Variants in GLI3 observed in about 807,000 individuals in gnomAD.
The protein encoded by GLI3 is GLI family zinc finger 3.
A neutral mutation model predicts 100.8 loss-of-function variants in GLI3; 20 were observed. The observed-to-expected ratio is 0.20, with a 90% CI of 0.14 to 0.29. The LOEUF (loss-of-function observed/expected upper bound fraction) is 0.29. Among genes scored for constraint, GLI3 ranks in the 10% least tolerant of loss-of-function variants. The pLI is 1.00. For synonymous variants in GLI3, 938 were observed against 860.5 expected (o/e 1.09, Z -1.58); for missense variants, 2,040 against 2,128.5 (o/e 0.96, Z 0.82).
At chr7:42,062,039 C>G (rs760259615) in intron 4 of GLI3, among the ~76,000 whole-genome samples, 11 of 152,134 alleles carry the variant, frequency 7.2e-5, no homozygotes, top group Non-Finnish European at 1.3e-4. Context: ...TTGGAAATGT[C>G]TATGATGTGC....
intron 1 of GLI3, among the ~76,000 whole-genome samples, chr7:42,225,446 G>A (rs1003248115): frequency 3.3e-5 from 5 of 152,078 alleles, no homozygotes; most frequent in Admixed American, 6.6e-5. Flanking sequence ...TGCAACCTCT[G>A]CCTCCCAGCT....
chr7:41,962,622 C>T lies in GLI3; in HGVS notation c.*1708G>A, dbSNP rs1282077654. On this transcript the variant is annotated 3_prime_UTR_variant, in exon 15 of 15. Coordinates refer to ENST00000395925, the MANE Select transcript of GLI3 (RefSeq NM_000168.6). ...TAGTCTTAGCCAAAGTCCCCAGTGGCAAATCAACCTCCATGCGGAGATTCT... is the reference window on the plus strand; with the variant it reads ...TAGTCTTAGCCAAAGTCCCCAGTGGTAAATCAACCTCCATGCGGAGATTCT... 2 of 152,316 alleles carry T rather than the reference C, an allele frequency of 1.3e-5. No homozygotes were observed. Among genetic ancestry groups the T allele is most frequent in the African/African-American group, 2.4e-5 (1 of 41,566 alleles). The allele number at this position is 152,316 out of a possible 1,614,324, so 9.4% of individuals were successfully genotyped here.
chr7:42,193,241 A>G (rs1187658475), intron 2 of GLI3, among the ~76,000 whole-genome samples: 5 of 152,216 alleles, frequency 3.3e-5, no homozygotes, highest in Admixed American at 2.6e-4. Context: ...CCGAGAGCAC[A>G]TTACAGACCC....
At chr7:42,118,361 T>C (rs1785911622) in intron 3 of GLI3, 1 of 398,560 alleles carries the variant, frequency 2.5e-6, no homozygotes, top group Non-Finnish European at 4.4e-6. Context: ...TATCCTCAAT[T>C]TTCAGGTGAT....
chr7:42,244,024 G>A (rs1366416921), intron 1 of GLI3, among the ~76,000 whole-genome samples: 1 of 152,070 alleles, frequency 6.6e-6, no homozygotes, highest in African/African-American at 2.4e-5. Flanking sequence ...AGTAGAGACG[G>A]GGTTTTACCA....
At chr7:42,065,615 C>T (rs913140722) in intron 4 of GLI3, among the ~76,000 whole-genome samples, 1 of 152,112 alleles carries the variant, frequency 6.6e-6, no homozygotes, top group Non-Finnish European at 1.5e-5. Context: ...TAGTAAGATA[C>T]TCGAATAATT....
chr7:42,175,880 A>G (rs1300801391), intron 2 of GLI3, among the ~76,000 whole-genome samples: 2 of 152,180 alleles, frequency 1.3e-5, no homozygotes, highest in Non-Finnish European at 2.9e-5. Flanking sequence ...TATAAAATAA[A>G]TATAAATAAA....
intron 4 of GLI3, among the ~76,000 whole-genome samples, chr7:42,057,335 G>A (rs1784483463): frequency 6.6e-6 from 1 of 152,210 alleles, no homozygotes; most frequent in South Asian, 2.1e-4. Flanking sequence ...TAAGAAGTCT[G>A]ACAGTGACAA....
chr7:41,985,320 GTTAA>G (rs1268748196), intron 10 of GLI3, among the ~76,000 whole-genome samples: 50 of 152,328 alleles, frequency 3.3e-4, no homozygotes, highest in African/African-American at 1.1e-3. Context: ...TGCAGCTTGA[GTTAA>G]TTAATACACT....
Position 41,966,511 on chromosome 7 carries a change from G to T in GLI3, c.2562C>A (p.Ile854=). 1 of 1,613,760 alleles carries T rather than the reference G, an allele frequency of 6.2e-7. No individual in the cohort carries two copies. Among genetic ancestry groups the T allele is most frequent in the South Asian group, 1.1e-5 (1 of 91,088 alleles). Residue 854 remains isoleucine (I), a synonymous_variant, in exon 15 of 15, where the codon ATC becomes ATA. Transcript: ENST00000395925. The surrounding 1 kb of genome is among the most constrained non-coding windows in gnomAD (Gnocchi z 5.8). ...LNRRDSSAST[I]SSAYLSSRRS... ...GGCGGCTGCTCAGGTAGGCCGAGCTGATGGTGCTGGCGCTGCTGTCCCTTC... is the reference window on the plus strand; with the variant it reads ...GGCGGCTGCTCAGGTAGGCCGAGCTTATGGTGCTGGCGCTGCTGTCCCTTC...
intron 2 of GLI3, among the ~76,000 whole-genome samples, chr7:42,186,174 T>G (rs922472612): frequency 1.3e-5 from 2 of 152,176 alleles, no homozygotes; most frequent in Admixed American, 1.3e-4. Context: ...CTCAACAACT[T>G]TCCCTGACAA....
At chr7:41,999,168 T>C (rs1788216790) in intron 10 of GLI3, among the ~76,000 whole-genome samples, 1 of 152,066 alleles carries the variant, frequency 6.6e-6, no homozygotes, top group South Asian at 2.1e-4. Context: ...GGACCTTAGA[T>C]GGCAAAAACT....
rs1420006080 is a variant in GLI3 at position 42,160,094 on chromosome 7, T to A, written c.125-11626A>T. Among the ~76,000 whole-genome samples the A allele has an allele frequency of 3.3e-5, 5 of 152,198 alleles. No individual in the cohort carries two copies. In the East Asian group the frequency reaches 9.6e-4, roughly 29 times the overall value. Reference sequence around the variant, plus strand: ...TGCCTCCTCTACCAAAGGCAGATAGTAAAACTTGCCCCTCTTACTTCATAG... The same window carrying A: ...TGCCTCCTCTACCAAAGGCAGATAGAAAAACTTGCCCCTCTTACTTCATAG... On this transcript the variant is annotated intron_variant, in intron 2 of 14. Transcript: ENST00000395925.
chr7:42,091,207 A>G (rs1050799789), intron 3 of GLI3, among the ~76,000 whole-genome samples: 4 of 152,234 alleles, frequency 2.6e-5, no homozygotes, highest in African/African-American at 4.8e-5. Context: ...ATTTCCCACA[A>G]AAGTACTCCC....
At chr7:42,012,646 C>T (rs944067623) in intron 10 of GLI3, among the ~76,000 whole-genome samples, 1 of 152,098 alleles carries the variant, frequency 6.6e-6, no homozygotes, top group Non-Finnish European at 1.5e-5. Context: ...AAATAAGATG[C>T]TCTGGACTGA....
At chr7:42,217,800 T>C (rs908893559) in intron 2 of GLI3, among the ~76,000 whole-genome samples, 1 of 152,228 alleles carries the variant, frequency 6.6e-6, no homozygotes, top group African/African-American at 2.4e-5. Context: ...TTCCCTTAAT[T>C]TGAAAACTGA....
intron 10 of GLI3, among the ~76,000 whole-genome samples, chr7:41,993,809 G>A (rs1186372140): frequency 1.3e-5 from 2 of 152,086 alleles, no homozygotes; most frequent in Non-Finnish European, 2.9e-5. Context: ...CACAGGAAAC[G>A]GAAGCAATTT....
intron 3 of GLI3, among the ~76,000 whole-genome samples, chr7:42,095,418 G>T (rs1399026050): frequency 6.6e-6 from 1 of 152,186 alleles, no homozygotes; most frequent in African/African-American, 2.4e-5. Context: ...TCTTTTGGAA[G>T]TATTACTTTG....
At chr7:42,081,075 G>A (rs773744112) in intron 3 of GLI3, among the ~76,000 whole-genome samples, 6 of 152,144 alleles carry the variant, frequency 3.9e-5, no homozygotes, top group Non-Finnish European at 7.3e-5. Context: ...GAAGTGCCAC[G>A]AAACCTGGCT....
Sources: gnomAD v4.1 joint callset for allele counts (sites outside exome capture counted in the v4.1 genomes callset) on GRCh38, gnomAD v4.1.1 for gene constraint, Gnocchi (gnomAD v3.1) non-coding constraint, MANE v1.5 for transcripts, NCBI Gene and HGNC (gene_info 2026-07-23, HGNC 2026-07-21) for gene names.